PEBP4: variants seen among roughly 807,000 people sequenced by gnomAD.
PEBP4 encodes phosphatidylethanolamine-binding protein 4.
PEBP4 carries 22 observed loss-of-function variants against 23.9 expected under a neutral mutation model. The observed-to-expected ratio is 0.92, with a 90% CI of 0.66 to 1.31. The LOEUF (loss-of-function observed/expected upper bound fraction) is 1.31. Among genes scored for constraint, PEBP4 ranks in the 40% most tolerant of loss-of-function variants. The pLI, the probability that PEBP4 is intolerant of heterozygous loss-of-function variation, is 0.00. For missense variants in PEBP4, 324 were observed against 281.7 expected, an observed-to-expected ratio of 1.15 and a Z score of -1.07; for synonymous variants, 112 against 99.3, an observed-to-expected ratio of 1.13 and a Z score of -0.76.
intron 3 of PEBP4, among the ~76,000 whole-genome samples, chr8:22,873,451 C>A (rs905054491): frequency 6.6e-6 from 1 of 150,588 alleles, no homozygotes; most frequent in Non-Finnish European, 1.5e-5. Context: ...TACTGAGATA[C>A]TATCTGTGTG....
intron 3 of PEBP4, chr8:22,880,716 C>G (rs1439759637): frequency 6.6e-6 from 1 of 152,564 alleles, no homozygotes; most frequent in Non-Finnish European, 1.5e-5. Flanking sequence ...GCAGCCTTCT[C>G]TCGGCCATGC....
intron 3 of PEBP4, among the ~76,000 whole-genome samples, chr8:22,875,706 A>G (rs1808105396): frequency 1.3e-5 from 2 of 152,016 alleles, no homozygotes; most frequent in South Asian, 4.1e-4. Flanking sequence ...CAAGGCTTTC[A>G]CAAACTGGCC....
intron 1 of PEBP4, among the ~76,000 whole-genome samples, chr8:22,933,939 C>T (rs1697510937): frequency 1.3e-5 from 2 of 152,226 alleles, no homozygotes; most frequent in Non-Finnish European, 2.9e-5. Flanking sequence ...GTAAAAGCCT[C>T]AGCCTTTTCC....
intron 3 of PEBP4, among the ~76,000 whole-genome samples, chr8:22,854,671 A>G (rs1807604704): frequency 6.6e-6 from 1 of 152,170 alleles, no homozygotes; most frequent in South Asian, 2.1e-4. Context: ...TTGTGTATTT[A>G]CTGTAATTAC....
chr8:22,920,454 G>C (rs1033875679), intron 2 of PEBP4, 144 bp from the exon 3 acceptor site: 54 of 972,092 alleles, frequency 5.6e-5, no homozygotes, highest in Non-Finnish European at 7.4e-5. Context: ...TGTGACCGAA[G>C]AGTTACTTGA....
intron 3 of PEBP4, among the ~76,000 whole-genome samples, chr8:22,866,328 A>G (rs983719739): frequency 1.6e-4 from 25 of 152,204 alleles, no homozygotes; most frequent in Non-Finnish European, 7.3e-5. Flanking sequence ...CTTTTCAAGC[A>G]TTTAACATTT....
chr8:22,780,202 A>G (rs1024329676), intron 4 of PEBP4, among the ~76,000 whole-genome samples: 7 of 152,098 alleles, frequency 4.6e-5, no homozygotes, highest in African/African-American at 1.7e-4. Flanking sequence ...AAGCTCAAGC[A>G]ATCTGCCCAC....
At chr8:22,765,102 T>C (rs1341635630) in intron 4 of PEBP4, among the ~76,000 whole-genome samples, 2 of 150,096 alleles carry the variant, frequency 1.3e-5, no homozygotes, top group African/African-American at 4.9e-5. Flanking sequence ...TCTTTCCTTC[T>C]TCCTTCCTTT....
chr8:22,930,225 C>T (rs1198655430), upstream of PEBP4, among the ~76,000 whole-genome samples: 1 of 152,138 alleles, frequency 6.6e-6, no homozygotes, highest in East Asian at 1.9e-4. Flanking sequence ...CTTTCTATGC[C>T]AGGGCTGTGA....
chr8:22,911,148 G>T (rs1038993687), intron 3 of PEBP4, among the ~76,000 whole-genome samples: 1 of 152,092 alleles, frequency 6.6e-6, no homozygotes. Context: ...AATTTTCCCT[G>T]ATCTGTTGTT....
chr8:22,784,782 A>G (rs1805995680), intron 4 of PEBP4, among the ~76,000 whole-genome samples: 2 of 152,210 alleles, frequency 1.3e-5, no homozygotes, highest in South Asian at 2.1e-4. Context: ...CTGCTGAGAA[A>G]ATGACGGCAG....
intron 1 of PEBP4, among the ~76,000 whole-genome samples, chr8:22,933,300 A>G (rs1809488926): frequency 6.6e-6 from 1 of 152,220 alleles, no homozygotes; most frequent in Admixed American, 6.5e-5. Flanking sequence ...ACAACAGACC[A>G]TCTAAAGCCC....
chr8:22,844,807 C>T (rs1056936968), intron 3 of PEBP4, among the ~76,000 whole-genome samples: 5 of 152,174 alleles, frequency 3.3e-5, no homozygotes, highest in Non-Finnish European at 7.3e-5. Flanking sequence ...CTCTGACTCC[C>T]ACCCCTGCTC....
upstream of PEBP4, among the ~76,000 whole-genome samples, chr8:22,931,616 C>T (rs1809458444): frequency 6.6e-6 from 1 of 152,096 alleles, no homozygotes; most frequent in Admixed American, 6.5e-5. Context: ...GGTGGAGTCT[C>T]GCTGTCACCG....
intron 4 of PEBP4, among the ~76,000 whole-genome samples, chr8:22,743,958 T>C (rs1805055336): frequency 6.6e-6 from 1 of 152,228 alleles, no homozygotes; most frequent in Non-Finnish European, 1.5e-5. Flanking sequence ...CCTGACCCTG[T>C]TTGGCTTCTC....
At chr8:22,815,294 A>G (rs1194958450) in intron 4 of PEBP4, among the ~76,000 whole-genome samples, 1 of 152,232 alleles carries the variant, frequency 6.6e-6, no homozygotes, top group Non-Finnish European at 1.5e-5. Flanking sequence ...TTGTTAAGCC[A>G]GAATGCCGTG....
At chr8:22,856,437 C>G (rs1334693085) in intron 3 of PEBP4, among the ~76,000 whole-genome samples, 3 of 152,138 alleles carry the variant, frequency 2.0e-5, no homozygotes, top group African/African-American at 7.2e-5. Context: ...TTGAAAAGGG[C>G]TGAGAGAGGT....
In PEBP4 at chr8:22,717,195, TG is replaced by T. The variant is rs1038806590; in HGVS notation, c.518-3660del. 3.5e-4 allele frequency among the ~76,000 whole-genome samples: 54 copies of T among 152,270 alleles called. 1 individual carries two copies. Among genetic ancestry groups the T allele is most frequent in the Middle Eastern group, 6.8e-3 (2 of 294 alleles). ...AACCACAGTTGTGTGCTACCACACC[TG>T]GGTAATTAAAAAAAAATTATCTGTA... is the stretch of plus-strand genomic sequence containing the variant. On this transcript the variant is annotated intron_variant, in intron 6 of 6. Transcript: ENST00000256404.
intron 3 of PEBP4, among the ~76,000 whole-genome samples, chr8:22,879,969 G>A (rs1225922033): frequency 6.6e-6 from 1 of 152,192 alleles, no homozygotes; most frequent in Non-Finnish European, 1.5e-5. Context: ...TTTTGTTGTG[G>A]CGGTTGTCTC....
Sources: allele counts gnomAD v4.1 joint callset (sites outside exome capture counted in the v4.1 genomes callset), GRCh38; gene constraint gnomAD v4.1.1; transcripts MANE v1.5; gene names NCBI Gene and HGNC (gene_info 2026-07-23, HGNC 2026-07-21).